The following WBP11 variants were observed in gnomAD, a reference collection of about 807,000 sequenced individuals.
The protein encoded by WBP11 is WW domain binding protein 11.
WBP11 carries 12 observed loss-of-function variants against 66.7 expected under a neutral mutation model. The observed-to-expected ratio is 0.18, with a 90% CI of 0.12 to 0.29. The LOEUF is 0.29. Among genes scored for constraint, WBP11 ranks in the 10% least tolerant of loss-of-function variants. The probability of loss-of-function intolerance (pLI) is 1.00; values close to 1 mark genes in which losing one functional copy is unlikely to be tolerated. For synonymous variants in WBP11, 255 were observed against 273.8 expected, an observed-to-expected ratio of 0.93 and a Z score of 0.68; for missense variants, 555 against 818.3, an observed-to-expected ratio of 0.68 and a Z score of 3.93.
intron 8 of WBP11, among the ~76,000 whole-genome samples, chr12:14,791,635 TA>T (rs1016818479): frequency 5.3e-5 from 8 of 152,330 alleles, no homozygotes; most frequent in African/African-American, 1.7e-4. Flanking sequence ...GAAACTAGCC[TA>T]ACCATGATAC....
At chr12:14,800,094 G>C (rs1453234640) in intron 3 of WBP11, among the ~76,000 whole-genome samples, 4 of 152,012 alleles carry the variant, frequency 2.6e-5, no homozygotes, top group African/African-American at 9.7e-5. Flanking sequence ...AGCAAAGGTT[G>C]AAGCTAAATT....
chr12:14,803,095 G>A lies in WBP11; in HGVS notation c.-46+257C>T, dbSNP rs367932747. ...GACGGCTGACCGACCATGACTCGAGGTACAAGACGTCAAACCTAAGGCTAC... is the reference window on the plus strand; with the variant it reads ...GACGGCTGACCGACCATGACTCGAGATACAAGACGTCAAACCTAAGGCTAC... On this transcript the variant is annotated intron_variant, in intron 1 of 11. Transcript: ENST00000261167. 4.1e-3 allele frequency among the ~76,000 whole-genome samples: 628 copies of A among 152,278 alleles called. 9 individuals are homozygous for A. Among genetic ancestry groups the A allele is most frequent in the African/African-American group, 0.014 (590 of 41,560 alleles).
At position 14,795,932 on chromosome 12, in the gene WBP11, T is replaced by G. The variant is rs991741470; in HGVS notation, c.388-828A>C. On this transcript the variant is annotated intron_variant, in intron 5 of 11. Coordinates refer to ENST00000261167, the MANE Select transcript of WBP11 (RefSeq NM_016312.3). ...ACCTCCTTTACAGAAATTATAGCAT[T>G]TGATTTTTTCCCATCTTTATTTTGA... Among the ~76,000 whole-genome samples the G allele has an allele frequency of 2.0e-5, 3 of 148,254 alleles. No homozygotes were observed. The South Asian group carries it at 6.6e-4, about 33-fold the overall frequency.
At chr12:14,792,483 G>A (rs7314075) in intron 8 of WBP11, among the ~76,000 whole-genome samples, 22,957 of 145,506 alleles carry the variant, frequency 0.16, 2,341 homozygotes, top group South Asian at 0.25. Context: ...AGCTGAGTGA[G>A]TATCAACTCA....
In WBP11 at chr12:14,793,841, T is replaced by C; in HGVS notation, c.803A>G (p.Asp268Gly). Residue 268 changes from aspartate (D) to glycine (G), a missense_variant, in exon 8 of 12, where the codon GAT becomes GGT. By Grantham distance (94) the Asp-to-Gly change is moderately conservative. This residue lies in a region of WBP11 where 220 missense variants were observed against 268.2 expected (regional missense o/e 0.82). Coordinates refer to ENST00000261167, the MANE Select transcript of WBP11 (RefSeq NM_016312.3). ...GGTGTCACTGTCATCAGTACTGTCA[T>C]CATGCTTATCTTGATCCATGTCCTC... ...YPEDMDQDKH[D>G]DSTDDSDTDK... 1.2e-6 allele frequency: 2 copies of C among 1,614,120 alleles called. No individual in the cohort carries two copies. The highest frequency in any genetic ancestry group is 1.7e-6 in the Non-Finnish European group (2 of 1,180,006).
chr12:14,793,600 T>C, intron 8 of WBP11, 131 bp downstream of exon 8: 4 of 1,098,568 alleles, frequency 3.6e-6, no homozygotes, highest in Non-Finnish European at 5.1e-6. Context: ...TTTTAATATA[T>C]AAGATGAACA....
rs1391463060 is a variant in WBP11, at chr12:14,786,050, TTCA to T, written c.*1012_*1014del. 1.3e-5 allele frequency: 2 copies of T among 152,186 alleles called. No homozygotes were observed. Among genetic ancestry groups the T allele is most frequent in the African/African-American group, 4.8e-5 (2 of 41,452 alleles). The allele number at this position is 152,186 out of a possible 1,614,324, so 9.4% of individuals were successfully genotyped here. The stretch of plus-strand genomic sequence containing the variant: ...AATTAATGTTAAGCACTCTTATTCA[TTCA>T]TATTTTAATATAAAAGCACACCAAA... On this transcript the variant is annotated 3_prime_UTR_variant, in exon 12 of 12. Transcript: ENST00000261167.
Position 14,787,469 on chromosome 12 carries a change from G to A in WBP11, c.1522C>T (p.Arg508Cys). The A allele has an allele frequency of 1.3e-6, 2 of 1,517,364 alleles. No homozygotes were observed. Among genetic ancestry groups the A allele is most frequent in the South Asian group, 2.7e-5 (2 of 75,024 alleles). The allele number at this position is 1,517,364 out of a possible 1,614,324, so 94.0% of individuals were successfully genotyped here. A position where few individuals can be genotyped will look rare whatever the true frequency, so the allele number is the denominator to read the frequency against. The change falls in exon 12 of 12, where the codon CGC (arginine) becomes TGC (cysteine). Residue 508 changes from arginine to cysteine, a missense_variant. This residue lies in a region of WBP11 where 230 missense variants were observed against 286.3 expected (regional missense o/e 0.80). Coordinates refer to ENST00000261167, the MANE Select transcript of WBP11 (RefSeq NM_016312.3). The part of the protein sequence containing the change: ...GIPPPRPGMM[R>C]PPLVPPLGPA... The stretch of plus-strand genomic sequence containing the variant: ...CCAAGGGGAGGCACCAAAGGTGGGC[G>A]CATCATGCCAGGACGAGGTGGAGGA...
At position 14,803,470 on chromosome 12, in the gene WBP11, A is replaced by T. The variant is rs894761439; in HGVS notation, c.-164T>A. ...CAACCCCTCAGCTACCGCCATCTTG[A>T]AACCTCGCGCCCCTCCGCACTCCTC... On this transcript the variant is annotated 5_prime_UTR_variant, in exon 1 of 12. Coordinates refer to ENST00000261167, the MANE Select transcript of WBP11 (RefSeq NM_016312.3). 5.0e-6 allele frequency: 2 copies of T among 398,612 alleles called. No homozygotes were observed. The highest frequency in any genetic ancestry group is 8.8e-6 in the Non-Finnish European group (2 of 226,200). The allele number at this position is 398,612 out of a possible 1,614,324, so 24.7% of individuals were successfully genotyped here.
chr12:14,803,225 C>T (rs1949993133), intron 1 of WBP11, 127 bp downstream of exon 1: 2 of 390,776 alleles, frequency 5.1e-6, no homozygotes, highest in Non-Finnish European at 9.0e-6. Context: ...CAGTCCGCAA[C>T]AGGGAGACCT....
Position 14,791,152 on chromosome 12 carries a change from T to C in WBP11, c.1015+17A>G. The C allele has an allele frequency of 1.2e-6, 2 of 1,611,566 alleles. No homozygotes were observed. The highest frequency in any genetic ancestry group is 1.7e-6 in the Non-Finnish European group (2 of 1,177,974). On this transcript the variant is annotated intron_variant, in intron 9 of 11. Transcript: ENST00000261167. ...GGATACACCAAAAGGTGATTCACTA[T>C]TTTTTCCCTGCCTCACCTGCCATAC...
intron 3 of WBP11, 133 bp downstream of exon 3, chr12:14,800,619 A>C (rs1289706812): frequency 1.2e-6 from 1 of 858,630 alleles, no homozygotes; most frequent in Non-Finnish European, 1.8e-6. Flanking sequence ...AGTATATCTT[A>C]CAGTTTTTAT....
intron 4 of WBP11, among the ~76,000 whole-genome samples, chr12:14,797,916 T>C (rs1337880359): frequency 6.6e-6 from 1 of 152,212 alleles, no homozygotes; most frequent in Non-Finnish European, 1.5e-5. Flanking sequence ...TGGACAGTAC[T>C]GATGATGAGA....
In WBP11 at chr12:14,790,668, G is replaced by A. The variant is rs779318362; in HGVS notation, c.1097C>T (p.Ala366Val). Residue 366 changes from alanine to valine, a missense_variant, in exon 10 of 12, where the codon GCA (alanine) becomes GTA (valine). Coordinates refer to ENST00000261167, the MANE Select transcript of WBP11 (RefSeq NM_016312.3). ...ATGCTGCTTTTGTGATTGCTTTTCT[G>A]CTTCAGAGTCATCAGAATCATCTTC... is the stretch of plus-strand genomic sequence containing the variant. ...DDEDDSDDSE[A>V]EKQSQKQHKE... is the part of the protein sequence containing the mutation. 1.3e-5 allele frequency: 21 copies of A among 1,614,072 alleles called. No homozygotes were observed. Among genetic ancestry groups the A allele is most frequent in the Non-Finnish European group, 1.8e-5 (21 of 1,180,032 alleles).
Position 14,786,627 on chromosome 12 carries a change from AAAT to A in WBP11, c.*435_*437del, listed in dbSNP as rs1346749407. ...ATTGTGATCCATTTCATTACAAGTAAAATATTACAAAATATTTACAGGAAAATA... is the reference window on the plus strand; with the variant it reads ...ATTGTGATCCATTTCATTACAAGTAAATTACAAAATATTTACAGGAAAATA... On this transcript the variant is annotated 3_prime_UTR_variant, in exon 12 of 12. Coordinates refer to ENST00000261167, the MANE Select transcript of WBP11 (RefSeq NM_016312.3). 1 of 154,254 alleles carries A rather than the reference AAAT, an allele frequency of 6.5e-6. No homozygotes were observed. Among genetic ancestry groups the A allele is most frequent in the African/African-American group, 2.4e-5 (1 of 41,496 alleles). 9.6% of individuals were successfully genotyped at this position (154,254 alleles called of 1,614,324 possible).
chr12:14,785,992 A>G lies in WBP11; in HGVS notation c.*1073T>C, dbSNP rs1303787743. The G allele has an allele frequency of 2.0e-5, 3 of 152,238 alleles. No individual in the cohort carries two copies. Among genetic ancestry groups the G allele is most frequent in the African/African-American group, 7.2e-5 (3 of 41,470 alleles). 9.4% of individuals were successfully genotyped at this position (152,238 alleles called of 1,614,324 possible). A position where few individuals can be genotyped will look rare whatever the true frequency, so the allele number is the denominator to read the frequency against. ...CTAAATTGGTAGATGAGTTTACATT[A>G]AAGCACTTTGTAAAGAAAATGGTAT... On this transcript the variant is annotated 3_prime_UTR_variant, in exon 12 of 12. Coordinates refer to ENST00000261167, the MANE Select transcript of WBP11 (RefSeq NM_016312.3).
At chr12:14,800,496 T>C (rs2137242147) in intron 3 of WBP11, among the ~76,000 whole-genome samples, 1 of 152,192 alleles carries the variant, frequency 6.6e-6, no homozygotes, top group South Asian at 2.1e-4. Flanking sequence ...AAAAAAAGAA[T>C]TATTTTCAAA....
chr12:14,791,961 A>G (rs553538113), intron 8 of WBP11, among the ~76,000 whole-genome samples: 2 of 145,894 alleles, frequency 1.4e-5, no homozygotes, highest in South Asian at 2.4e-4. Context: ...GAATGATACA[A>G]TGGACTTTGG....
chr12:14,800,680 A>G, intron 3 of WBP11, 72 bp downstream of exon 3: 1 of 1,328,564 alleles, frequency 7.5e-7, no homozygotes, highest in South Asian at 1.3e-5. Flanking sequence ...TTATTCTGAA[A>G]CCCACTAATC....
Sources: gnomAD v4.1 joint callset for allele counts (sites outside exome capture counted in the v4.1 genomes callset) on GRCh38, gnomAD v4.1.1 for gene constraint, gnomAD v4.1.1 regional missense constraint, MANE v1.5 for transcripts, NCBI Gene and HGNC (gene_info 2026-07-23, HGNC 2026-07-21) for gene names.